The following DSCAM variants were observed in gnomAD, a reference collection of about 807,000 sequenced individuals.
DSCAM encodes the protein DS cell adhesion molecule.
In DSCAM, 47 loss-of-function variants were observed where a neutral mutation model predicts 217.7. The ratio of observed to expected loss-of-function variants is 0.22; its 90% CI spans 0.17 to 0.28. The LOEUF is 0.28. Ranked by LOEUF, DSCAM falls within the 10% of genes least tolerant of loss-of-function variation. DSCAM has a pLI of 1.00. For synonymous variants in DSCAM, 1,056 were observed against 1,015.3 expected, an observed-to-expected ratio of 1.04 and a Z score of -0.76; for missense variants, 2,080 against 2,618.3, an observed-to-expected ratio of 0.79 and a Z score of 4.49.
chr21:40,689,567 C>T lies in DSCAM; in HGVS notation c.508+3243G>A, dbSNP rs375119681. On this transcript the variant is annotated intron_variant, in intron 3 of 32. Coordinates refer to ENST00000400454, the MANE Select transcript of DSCAM (RefSeq NM_001389.5). ...TCACTCACTTAGTAAGATACTTACA[C>T]AGGCTTATTTCCATGGCTGATTTAG... Among the ~76,000 whole-genome samples, 28 of 152,362 alleles carry T rather than the reference C, an allele frequency of 1.8e-4. No homozygotes were observed. In the South Asian group the frequency reaches 5.6e-3, roughly 30 times the overall value.
intron 3 of DSCAM, among the ~76,000 whole-genome samples, chr21:40,602,255 T>C (rs911269461): frequency 2.6e-5 from 4 of 151,932 alleles, no homozygotes; most frequent in African/African-American, 9.7e-5. Context: ...AGAGACAGGG[T>C]TTGTCATGTT....
rs532818020 is a variant in DSCAM at position 40,691,993 on chromosome 21, G to A, written c.508+817C>T. 5.3e-5 allele frequency among the ~76,000 whole-genome samples: 8 copies of A among 152,344 alleles called. No individual in the cohort carries two copies. In the South Asian group the frequency reaches 8.3e-4, roughly 16 times the overall value. On this transcript the variant is annotated intron_variant, in intron 3 of 32. Transcript: ENST00000400454. Reference sequence around the variant, plus strand: ...AAGTCTGTTAACATGTGTGTTGTGCGTGTGTGCACCCGCATGTGAGGGCAT... The same window carrying A: ...AAGTCTGTTAACATGTGTGTTGTGCATGTGTGCACCCGCATGTGAGGGCAT...
chr21:40,630,404 T>C (rs969705320), intron 3 of DSCAM, among the ~76,000 whole-genome samples: 1 of 152,182 alleles, frequency 6.6e-6, no homozygotes, highest in African/African-American at 2.4e-5. Flanking sequence ...GTTCAAGAGA[T>C]TCTCGTGCCT....
chr21:40,747,821 A>C (rs1483024936), intron 1 of DSCAM, among the ~76,000 whole-genome samples: 1 of 152,030 alleles, frequency 6.6e-6, no homozygotes, highest in Non-Finnish European at 1.5e-5. Context: ...AAAAATCCTC[A>C]AGAAAATAGT....
intron 3 of DSCAM, among the ~76,000 whole-genome samples, chr21:40,556,405 AC>A (rs2076672116): frequency 1.3e-5 from 2 of 152,216 alleles, no homozygotes; most frequent in African/African-American, 4.8e-5. Context: ...AGAGAAAAAA[AC>A]GTTATTAAGA....
chr21:40,357,285 C>T (rs2074703855), intron 4 of DSCAM, among the ~76,000 whole-genome samples: 1 of 152,164 alleles, frequency 6.6e-6, no homozygotes, highest in African/African-American at 2.4e-5. Context: ...AAGTTATGTT[C>T]CCATAGACTG....
chr21:40,648,609 A>G (rs1356194610), intron 3 of DSCAM, among the ~76,000 whole-genome samples: 1 of 152,086 alleles, frequency 6.6e-6, no homozygotes, highest in Non-Finnish European at 1.5e-5. Flanking sequence ...TCTATTTTAC[A>G]TATACCTATC....
chr21:40,180,100 T>C (rs758972321), intron 14 of DSCAM, among the ~76,000 whole-genome samples: 1 of 152,228 alleles, frequency 6.6e-6, no homozygotes, highest in Non-Finnish European at 1.5e-5. Context: ...ATACCCAGTC[T>C]TTTATCCCTA....
At chr21:40,622,526 A>G (rs2089535162) in intron 3 of DSCAM, among the ~76,000 whole-genome samples, 1 of 152,178 alleles carries the variant, frequency 6.6e-6, no homozygotes, top group Non-Finnish European at 1.5e-5. Flanking sequence ...ACTGACAAAT[A>G]AATGTTGGTT....
chr21:40,431,991 G>C (rs1485532022), intron 3 of DSCAM, among the ~76,000 whole-genome samples: 2 of 152,128 alleles, frequency 1.3e-5, no homozygotes, highest in Non-Finnish European at 2.9e-5. Context: ...CCTGAGGTCA[G>C]GAGTTTGAGA....
chr21:40,753,947 C>T (rs1023198299), intron 1 of DSCAM, among the ~76,000 whole-genome samples: 2 of 152,208 alleles, frequency 1.3e-5, no homozygotes, highest in African/African-American at 4.8e-5. Context: ...CTTAACCTGT[C>T]CACACTTCCA....
chr21:40,049,183 G>A lies in DSCAM; in HGVS notation c.5185+2775C>T, dbSNP rs180689719. On this transcript the variant is annotated intron_variant, in intron 30 of 32. Transcript: ENST00000400454. ...TATAGTGTTTCCCTGTGATCATCAGGCTAAGCCCCAGGGACAGCATCTCAG... is the reference window on the plus strand; with the variant it reads ...TATAGTGTTTCCCTGTGATCATCAGACTAAGCCCCAGGGACAGCATCTCAG... Among the ~76,000 whole-genome samples, 5 of 152,246 alleles carry A rather than the reference G, an allele frequency of 3.3e-5. No individual in the cohort carries two copies. The East Asian group carries it at 9.6e-4, about 29-fold the overall frequency.
At chr21:40,570,708 A>C (rs1306045796) in intron 3 of DSCAM, among the ~76,000 whole-genome samples, 1 of 152,226 alleles carries the variant, frequency 6.6e-6, no homozygotes, top group Non-Finnish European at 1.5e-5. Context: ...ACTCAGATGG[A>C]ACTATCAGGA....
chr21:40,729,903 GAC>G (rs994884601), intron 1 of DSCAM, among the ~76,000 whole-genome samples: 101 of 152,250 alleles, frequency 6.6e-4, no homozygotes, highest in African/African-American at 2.4e-3. Flanking sequence ...CATTAATTTT[GAC>G]AGTTTGCCTA....
chr21:40,456,847 T>A (rs1465279530), intron 3 of DSCAM, among the ~76,000 whole-genome samples: 1 of 152,216 alleles, frequency 6.6e-6, no homozygotes, highest in Non-Finnish European at 1.5e-5. Context: ...TTTATGACTT[T>A]TCATAATAAA....
intron 1 of DSCAM, among the ~76,000 whole-genome samples, chr21:40,749,474 G>C (rs535879159): frequency 6.6e-6 from 1 of 152,218 alleles, no homozygotes; most frequent in Admixed American, 6.5e-5. Context: ...ATGAAAAAAT[G>C]CTCAACATCA....
intron 3 of DSCAM, among the ~76,000 whole-genome samples, chr21:40,645,245 T>C (rs887665205): frequency 6.6e-6 from 1 of 152,206 alleles, no homozygotes; most frequent in Non-Finnish European, 1.5e-5. Flanking sequence ...AGCATAGAAA[T>C]AACAATCAGC....
At chr21:40,452,280 G>A (rs993457056) in intron 3 of DSCAM, among the ~76,000 whole-genome samples, 2 of 116,540 alleles carry the variant, frequency 1.7e-5, no homozygotes, top group African/African-American at 3.4e-5. Context: ...GTATCCTGGA[G>A]GTATCCTGGA....
intron 3 of DSCAM, among the ~76,000 whole-genome samples, chr21:40,487,072 A>T (rs1165085827): frequency 2.0e-5 from 3 of 151,956 alleles, no homozygotes; most frequent in Non-Finnish European, 4.4e-5. Flanking sequence ...ACCATGAGGA[A>T]CTCCACATGT....
Sources: allele counts gnomAD v4.1 joint callset (sites outside exome capture counted in the v4.1 genomes callset), GRCh38; gene constraint gnomAD v4.1.1; transcripts MANE v1.5; gene names NCBI Gene and HGNC (gene_info 2026-07-23, HGNC 2026-07-21).